Variants in PLPP4 observed in about 807,000 individuals in gnomAD.
The protein encoded by PLPP4 is phospholipid phosphatase 4.
PLPP4 carries 20 observed loss-of-function variants against 32.2 expected under a neutral mutation model. That is an observed-to-expected ratio of 0.62 (90% CI 0.44 to 0.90). PLPP4 has a LOEUF of 0.90. PLPP4 is among the 40% of genes least tolerant of loss of function. The pLI, the probability that PLPP4 is intolerant of heterozygous loss-of-function variation, is 0.00. For missense variants in PLPP4, 257 were observed against 353.1 expected (o/e 0.73, Z 2.18); for synonymous variants, 127 against 133.0 (o/e 0.95, Z 0.31).
chr10:120,521,990 T>TG (rs1267613229), intron 5 of PLPP4, among the ~76,000 whole-genome samples: 1 of 152,184 alleles, frequency 6.6e-6, no homozygotes, highest in Admixed American at 6.5e-5. Context: ...TCATATTGCA[T>TG]GGGGGATGCA....
intron 4 of PLPP4, among the ~76,000 whole-genome samples, chr10:120,519,638 T>G (rs1340206647): frequency 1.3e-5 from 2 of 152,084 alleles, no homozygotes; most frequent in Non-Finnish European, 2.9e-5. Context: ...TCTGGTGCAT[T>G]AGGTGGACAT....
chr10:120,474,545 A>G (rs1373052248), intron 1 of PLPP4, among the ~76,000 whole-genome samples: 1 of 152,152 alleles, frequency 6.6e-6, no homozygotes, highest in Non-Finnish European at 1.5e-5. Flanking sequence ...TTATGTTTTC[A>G]TTCATTCTTG....
chr10:120,483,946 T>G (rs1483755546), intron 1 of PLPP4, among the ~76,000 whole-genome samples: 1 of 152,172 alleles, frequency 6.6e-6, no homozygotes, highest in Admixed American at 6.5e-5. Flanking sequence ...CTTTATAAAT[T>G]ACCCAGTCTC....
chr10:120,590,611 A>T lies in PLPP4; in HGVS notation c.*1109A>T, dbSNP rs1243123495. Among the ~76,000 whole-genome samples, 1 of 152,130 alleles carries T rather than the reference A, an allele frequency of 6.6e-6. No individual in the cohort carries two copies. The highest frequency in any genetic ancestry group is 1.9e-4 in the East Asian group (1 of 5,186). On this transcript the variant is annotated 3_prime_UTR_variant, in exon 7 of 7. Transcript: ENST00000398250. ...CAGCCAGTCAATATGAACCTTTTTC[A>T]GTCTGAGTATAGAGCACGCTGCTCC...
intron 5 of PLPP4, among the ~76,000 whole-genome samples, chr10:120,567,592 T>C (rs35027357): frequency 0.033 from 5,066 of 152,312 alleles, 92 homozygotes; most frequent in Middle Eastern, 0.15. Flanking sequence ...CAATTTGTTG[T>C]CTGGGGCAAG....
At chr10:120,474,942 T>C (rs1843829598) in intron 1 of PLPP4, among the ~76,000 whole-genome samples, 1 of 152,200 alleles carries the variant, frequency 6.6e-6, no homozygotes, top group African/African-American at 2.4e-5. Context: ...CGTCACATTG[T>C]TAATAAATAA....
chr10:120,506,137 A>G (rs1845478407), intron 2 of PLPP4, among the ~76,000 whole-genome samples: 1 of 152,220 alleles, frequency 6.6e-6, no homozygotes, highest in Non-Finnish European at 1.5e-5. Context: ...GTTCTCAGAG[A>G]ACAGAAGGAT....
intron 1 of PLPP4, among the ~76,000 whole-genome samples, chr10:120,476,715 G>A (rs1843937177): frequency 6.6e-6 from 1 of 152,162 alleles, no homozygotes; most frequent in East Asian, 1.9e-4. Context: ...ACCTCTACTT[G>A]TATTACTCTA....
chr10:120,507,172 G>C (rs1451445962), intron 2 of PLPP4, among the ~76,000 whole-genome samples: 1 of 152,192 alleles, frequency 6.6e-6, no homozygotes, highest in Non-Finnish European at 1.5e-5. Flanking sequence ...CAGGGAGCCT[G>C]CTGTGGGTAA....
chr10:120,578,048 C>A (rs1849303412), intron 6 of PLPP4, among the ~76,000 whole-genome samples: 1 of 152,114 alleles, frequency 6.6e-6, no homozygotes, highest in South Asian at 2.1e-4. Context: ...ATCACAAGAC[C>A]CCTCGCCCAC....
At chr10:120,473,508 T>C (rs554940367) in intron 1 of PLPP4, among the ~76,000 whole-genome samples, 21 of 152,138 alleles carry the variant, frequency 1.4e-4, no homozygotes, top group Non-Finnish European at 2.9e-4. Flanking sequence ...CTTGTAGTCT[T>C]TTTCTGCACA....
intron 1 of PLPP4, among the ~76,000 whole-genome samples, chr10:120,485,978 T>G (rs1844429964): frequency 6.6e-6 from 1 of 152,182 alleles, no homozygotes; most frequent in Non-Finnish European, 1.5e-5. Context: ...TCTGCTCTGG[T>G]CTCAAGTTAG....
intron 1 of PLPP4, among the ~76,000 whole-genome samples, chr10:120,488,806 A>T (rs1407350866): frequency 6.6e-6 from 1 of 152,162 alleles, no homozygotes; most frequent in Non-Finnish European, 1.5e-5. Flanking sequence ...AAAAATAGTC[A>T]TAATGGAAAT....
intron 3 of PLPP4, among the ~76,000 whole-genome samples, chr10:120,517,366 C>T (rs72836015): frequency 0.016 from 2,489 of 152,286 alleles, 35 homozygotes; most frequent in Non-Finnish European, 0.026. Flanking sequence ...AGAATTTGCT[C>T]TCGCCTTTTG....
chr10:120,499,112 C>T (rs1845113392), intron 1 of PLPP4, among the ~76,000 whole-genome samples: 1 of 152,166 alleles, frequency 6.6e-6, no homozygotes, highest in South Asian at 2.1e-4. Flanking sequence ...TTTTACCCAC[C>T]TTCTACTGGT....
intron 6 of PLPP4, chr10:120,581,448 C>T: frequency 3.4e-6 from 1 of 298,390 alleles, no homozygotes; most frequent in Non-Finnish European, 5.0e-6. Context: ...CCTGCGTTAG[C>T]ACATGTCACT....
At chr10:120,480,185 G>A (rs1025725932) in intron 1 of PLPP4, among the ~76,000 whole-genome samples, 2 of 152,220 alleles carry the variant, frequency 1.3e-5, no homozygotes, top group Non-Finnish European at 2.9e-5. Context: ...TTTGACGGTT[G>A]AGTACCTGGT....
chr10:120,457,240 G>A lies in PLPP4; in HGVS notation c.-66G>A, dbSNP rs1246267182. 4 of 1,333,586 alleles carry A rather than the reference G, an allele frequency of 3.0e-6. No homozygotes were observed. Among genetic ancestry groups the A allele is most frequent in the Non-Finnish European group, 3.9e-6 (4 of 1,015,640 alleles). The allele number at this position is 1,333,586 out of a possible 1,614,324, so 82.6% of individuals were successfully genotyped here. On this transcript the variant is annotated 5_prime_UTR_variant, in exon 1 of 7. Coordinates refer to ENST00000398250, the MANE Select transcript of PLPP4 (RefSeq NM_001030059.3). ...GCCTCCCAGGGTCTGGCGAGCCGGC[G>A]CCGGCCGAGCTGCGGGAGCCGCGGA...
rs371267002 is a variant in PLPP4, at chr10:120,575,174, C to A, written c.489C>A (p.Gly163=). The A allele has an allele frequency of 1.2e-6, 2 of 1,613,874 alleles. No homozygotes were observed. The highest frequency in any genetic ancestry group is 1.7e-5 in the Admixed American group (1 of 59,976). The part of the protein sequence containing the change: ...GLGFTTFYLA[G]KLHCFTESGR... ...GCTTCACGACGTTCTACTTGGCGGG[C>A]AAGCTGCACTGCTTCACCGAGAGTG... The change falls in exon 6 of 7, where the codon GGC becomes GGA. Residue 163 remains glycine (G), a synonymous_variant. Coordinates refer to ENST00000398250, the MANE Select transcript of PLPP4 (RefSeq NM_001030059.3).
Sources: gnomAD v4.1 joint callset for allele counts (sites outside exome capture counted in the v4.1 genomes callset) on GRCh38, gnomAD v4.1.1 for gene constraint, MANE v1.5 for transcripts, NCBI Gene and HGNC (gene_info 2026-07-23, HGNC 2026-07-21) for gene names.